Variants in PRDM5 observed in about 807,000 individuals in gnomAD.
PRDM5 encodes the protein PR domain zinc finger protein 5.
Under a neutral mutation model 81.2 loss-of-function variants are expected in PRDM5, and 56 were observed. That is an observed-to-expected ratio of 0.69 (90% CI 0.56 to 0.86). The LOEUF is 0.86. Among genes scored for constraint, PRDM5 ranks in the 40% least tolerant of loss-of-function variants. The pLI is 0.00. For missense variants in PRDM5, 697 were observed against 770.1 expected (o/e 0.91, Z 1.12); for synonymous variants, 267 against 256.4 (o/e 1.04, Z -0.39).
At chr4:120,773,379 T>C (rs1220542537) in intron 13 of PRDM5, among the ~76,000 whole-genome samples, 1 of 152,204 alleles carries the variant, frequency 6.6e-6, no homozygotes, top group Non-Finnish European at 1.5e-5. Context: ...TGAAGGCTTC[T>C]GAATATTTAG....
chr4:120,710,525 G>A (rs1736811627), intron 14 of PRDM5, 112 bp from the exon 15 acceptor site: 1 of 852,594 alleles, frequency 1.2e-6, no homozygotes, highest in Non-Finnish European at 1.9e-6. Flanking sequence ...CAAATTTACA[G>A]GTATGCTGAT....
intron 14 of PRDM5, among the ~76,000 whole-genome samples, chr4:120,716,702 C>T (rs976084617): frequency 6.6e-6 from 1 of 152,104 alleles, no homozygotes; most frequent in African/African-American, 2.4e-5. Flanking sequence ...CTAATGCCTA[C>T]CATGGAAAAG....
intron 2 of PRDM5, among the ~76,000 whole-genome samples, chr4:120,869,142 A>G (rs766200969): frequency 1.3e-5 from 2 of 152,216 alleles, no homozygotes; most frequent in Non-Finnish European, 2.9e-5. Context: ...TGTAACAAAT[A>G]TACACATCAA....
chr4:120,752,737 T>A (rs1010101818), intron 14 of PRDM5, among the ~76,000 whole-genome samples: 2 of 152,182 alleles, frequency 1.3e-5, no homozygotes, highest in African/African-American at 4.8e-5. Context: ...TCTCCCTAGG[T>A]TCAAATCTCA....
chr4:120,877,005 G>GAA (rs1272312379), intron 2 of PRDM5, among the ~76,000 whole-genome samples: 1 of 152,018 alleles, frequency 6.6e-6, no homozygotes, highest in Non-Finnish European at 1.5e-5. Flanking sequence ...AACCTATCCA[G>GAA]AAAAATCTTA....
intron 1 of PRDM5, among the ~76,000 whole-genome samples, chr4:120,909,026 G>A (rs1660114764): frequency 6.6e-6 from 1 of 152,210 alleles, no homozygotes; most frequent in Non-Finnish European, 1.5e-5. Flanking sequence ...CAGGGGAGAA[G>A]AGTTAACACT....
intron 3 of PRDM5, among the ~76,000 whole-genome samples, chr4:120,830,251 C>T (rs1756538645): frequency 6.6e-6 from 1 of 152,036 alleles, no homozygotes; most frequent in Non-Finnish European, 1.5e-5. Flanking sequence ...AGTGGGTATA[C>T]CTTATGAGTT....
chr4:120,876,050 C>T (rs534741149), intron 2 of PRDM5, among the ~76,000 whole-genome samples: 4 of 152,282 alleles, frequency 2.6e-5, no homozygotes, highest in South Asian at 2.1e-4. Context: ...TGCACAATTT[C>T]GTCTCCCAGA....
intron 13 of PRDM5, among the ~76,000 whole-genome samples, chr4:120,771,297 A>G (rs574470622): frequency 2.0e-5 from 3 of 152,272 alleles, no homozygotes; most frequent in Middle Eastern, 3.4e-3. Context: ...AAATATTAAA[A>G]GCCTAGGATA....
chr4:120,810,540 A>C (rs892252551), intron 8 of PRDM5: 4 of 152,188 alleles, frequency 2.6e-5, no homozygotes, highest in African/African-American at 9.7e-5. Flanking sequence ...CAAGGAGGAC[A>C]CACAAATTCA....
intron 14 of PRDM5, chr4:120,731,664 G>A (rs908394901): frequency 1.3e-5 from 2 of 152,134 alleles, no homozygotes; most frequent in African/African-American, 4.8e-5. Flanking sequence ...CTTCCAGAAA[G>A]CTCCTTAGTG....
chr4:120,742,375 T>C (rs1178306511), intron 14 of PRDM5, among the ~76,000 whole-genome samples: 2 of 152,110 alleles, frequency 1.3e-5, no homozygotes, highest in Admixed American at 6.5e-5. Context: ...AGAGCGCCTC[T>C]CCTCCTCCAA....
Position 120,817,973 on chromosome 4 carries a change from C to T in PRDM5, c.650+380G>A, listed in dbSNP as rs181665460. Among the ~76,000 whole-genome samples, 600 of 152,126 alleles carry T rather than the reference C, an allele frequency of 3.9e-3. 4 individuals are homozygous for T. Among genetic ancestry groups the T allele is most frequent in the Admixed American group, 9.3e-3 (142 of 15,290 alleles). On this transcript the variant is annotated intron_variant, in intron 5 of 15. Coordinates refer to ENST00000264808, the MANE Select transcript of PRDM5 (RefSeq NM_018699.4). ...TCTTAAACTTTTTTTTAAACAGATT[C>T]CAGAAGGAATATAAAACGTAGACAA... is the stretch of plus-strand genomic sequence containing the variant.
intron 3 of PRDM5, among the ~76,000 whole-genome samples, chr4:120,821,741 C>CT (rs1402272376): frequency 4.3e-5 from 6 of 138,158 alleles, no homozygotes; most frequent in African/African-American, 1.6e-4. Context: ...TAACACAAAA[C>CT]TTAAAAAAAA....
Position 120,773,426 on chromosome 4 carries a change from A to T in PRDM5, c.1537+3762T>A, listed in dbSNP as rs72921531. 8.4e-3 allele frequency among the ~76,000 whole-genome samples: 1,277 copies of T among 152,360 alleles called. 22 individuals carry two copies. Among genetic ancestry groups the T allele is most frequent in the African/African-American group, 0.029 (1,210 of 41,584 alleles). On this transcript the variant is annotated intron_variant, in intron 13 of 15. Transcript: ENST00000264808. ...AGATCAGCTATGATATTAACATATC[A>T]TCCCCTGAATAAGATAAAACGTTCT...
downstream of PRDM5, among the ~76,000 whole-genome samples, chr4:120,690,520 T>C (rs1441420720): frequency 6.6e-6 from 1 of 152,030 alleles, no homozygotes; most frequent in East Asian, 1.9e-4. Flanking sequence ...AAAATTTTCA[T>C]ATAATCACAG....
intron 2 of PRDM5, among the ~76,000 whole-genome samples, chr4:120,894,096 C>T (rs1764358337): frequency 6.6e-6 from 1 of 152,150 alleles, no homozygotes; most frequent in Non-Finnish European, 1.5e-5. Context: ...TTGTCTTTCT[C>T]CTCATTCCTT....
chr4:120,882,367 C>T (rs942007082), intron 2 of PRDM5, among the ~76,000 whole-genome samples: 26 of 152,112 alleles, frequency 1.7e-4, no homozygotes, highest in African/African-American at 2.2e-4. Flanking sequence ...AGGCTGGTTT[C>T]GAACTCCTGA....
rs190914612 is a variant in PRDM5 at position 120,904,119 on chromosome 4, G to A, written c.177+3355C>T. 2.9e-5 allele frequency among the ~76,000 whole-genome samples: 4 copies of A among 136,260 alleles called. No individual in the cohort carries two copies. The East Asian group carries it at 9.7e-4, about 33-fold the overall frequency. The allele number at this position is 136,260 out of a possible 152,430, so 89.4% of individuals were successfully genotyped here. ...GCAGGAGAACCTCTTGAACCCAGGA[G>A]ATGGAGGTTGCAGTGAGCTGAGATC... is the stretch of plus-strand genomic sequence containing the variant. On this transcript the variant is annotated intron_variant, in intron 2 of 15. Coordinates refer to ENST00000264808, the MANE Select transcript of PRDM5 (RefSeq NM_018699.4).
Sources: allele counts gnomAD v4.1 joint callset (sites outside exome capture counted in the v4.1 genomes callset), GRCh38; gene constraint gnomAD v4.1.1; transcripts MANE v1.5; gene names NCBI Gene and HGNC (gene_info 2026-07-23, HGNC 2026-07-21).